The following MCTP1 variants were observed in gnomAD, a reference collection of about 807,000 sequenced individuals.
The protein encoded by MCTP1 is multiple C2 and transmembrane domain containing 1.
MCTP1 carries 69 observed loss-of-function variants against 120.6 expected under a neutral mutation model. The observed-to-expected ratio is 0.57, with a 90% CI of 0.47 to 0.70. The LOEUF is 0.70. MCTP1 is among the 30% of genes least tolerant of loss of function. MCTP1 has a pLI of 0.00. For synonymous variants in MCTP1, 529 were observed against 493.1 expected (o/e 1.07, Z -0.96); for missense variants, 1,203 against 1,248.8 (o/e 0.96, Z 0.55).
intron 1 of MCTP1, among the ~76,000 whole-genome samples, chr5:95,082,588 T>A (rs553766259): frequency 1.3e-5 from 2 of 152,278 alleles, no homozygotes; most frequent in South Asian, 4.1e-4. Context: ...TTAAAATATT[T>A]TAGTAGTCAC....
At chr5:94,774,010 C>T (rs1774711885) in intron 19 of MCTP1, among the ~76,000 whole-genome samples, 1 of 41,366 alleles carries the variant, frequency 2.4e-5, no homozygotes, top group Admixed American at 2.4e-4. Flanking sequence ...AGATCGAGAC[C>T]ATCCCGGCTA....
chr5:95,074,903 C>T (rs1055425608), intron 1 of MCTP1, among the ~76,000 whole-genome samples: 1 of 152,178 alleles, frequency 6.6e-6, no homozygotes, highest in African/African-American at 2.4e-5. Flanking sequence ...ATCCTGTTGA[C>T]TGATGTTGTA....
rs1417843520 is a variant in MCTP1 at position 94,931,957 on chromosome 5, C to T, written c.1208G>A (p.Ser403Asn). Reference sequence around the variant, plus strand: ...AGATCACAAGCTAAGAATTACCTTACTTGATCTTTTCCAACTCTTCCTCAT... The same window carrying T: ...AGATCACAAGCTAAGAATTACCTTATTTGATCTTTTCCAACTCTTCCTCAT... ...MLMRKSWKRS[S>N]KELSENEVVG... is the part of the protein sequence containing the mutation. Residue 403 changes from serine to asparagine, a missense_variant, in exon 6 of 23, where the codon AGT becomes AAT. Physicochemically the swap from Ser to Asn is conservative, Grantham distance 46. This residue lies in a region of MCTP1 where 740 missense variants were observed against 871.1 expected (regional missense o/e 0.85). Transcript: ENST00000515393. 24 of 1,602,726 alleles carry T rather than the reference C, an allele frequency of 1.5e-5. 1 individual carries two copies. In the Admixed American group the frequency reaches 1.5e-4, roughly 10 times the overall value.
intron 2 of MCTP1, among the ~76,000 whole-genome samples, chr5:94,985,744 T>C (rs1384275768): frequency 6.6e-6 from 1 of 152,056 alleles, no homozygotes; most frequent in African/African-American, 2.4e-5. Flanking sequence ...TCAAAACATA[T>C]AGAGACTAAG....
chr5:94,826,689 C>T (rs1787146608), intron 17 of MCTP1: 1 of 588,268 alleles, frequency 1.7e-6, no homozygotes, highest in South Asian at 1.9e-5. Context: ...CTTATACACA[C>T]TCCATGGTTC....
chr5:94,840,055 G>A (rs1204351793), intron 17 of MCTP1, among the ~76,000 whole-genome samples: 2 of 152,138 alleles, frequency 1.3e-5, no homozygotes, highest in Non-Finnish European at 2.9e-5. Flanking sequence ...AGTTGCATGT[G>A]ACACCACAGA....
Position 95,130,555 on chromosome 5 carries a change from G to C in MCTP1, c.721-113071C>G, listed in dbSNP as rs374793351. 2.8e-4 allele frequency among the ~76,000 whole-genome samples: 43 copies of C among 152,326 alleles called. No individual in the cohort carries two copies. The South Asian group carries it at 8.9e-3, about 32-fold the overall frequency. ...AAGGCTGCTGTAACAAAATGTCACA[G>C]TGTGGGTGGCTTAAACAGAGATGCA... On this transcript the variant is annotated intron_variant, in intron 1 of 22. Coordinates refer to ENST00000515393, the MANE Select transcript of MCTP1 (RefSeq NM_024717.7).
intron 8 of MCTP1, among the ~76,000 whole-genome samples, chr5:94,915,527 A>G (rs988336527): frequency 1.3e-5 from 2 of 152,212 alleles, no homozygotes; most frequent in Admixed American, 1.3e-4. Context: ...TGTGCTCTCT[A>G]GAAGCAGTCA....
chr5:95,016,804 T>C (rs1452125703), intron 2 of MCTP1, among the ~76,000 whole-genome samples: 1 of 152,076 alleles, frequency 6.6e-6, no homozygotes, highest in Non-Finnish European at 1.5e-5. Context: ...AGAGATTGCA[T>C]TGGGATTTGG....
chr5:95,233,826 T>C (rs749465789), intron 1 of MCTP1, among the ~76,000 whole-genome samples: 1 of 152,068 alleles, frequency 6.6e-6, no homozygotes, highest in Non-Finnish European at 1.5e-5. Context: ...CTATCACATT[T>C]GTAAATTTAA....
chr5:94,825,549 A>T (rs772403616), intron 17 of MCTP1, among the ~76,000 whole-genome samples: 1 of 152,110 alleles, frequency 6.6e-6, no homozygotes, highest in African/African-American at 2.4e-5. Context: ...GTGGGTGTCT[A>T]TTAGGTCCAC....
intron 1 of MCTP1, among the ~76,000 whole-genome samples, chr5:95,024,648 T>TACAC (rs111890273): frequency 0.17 from 25,066 of 146,106 alleles, 2,247 homozygotes; most frequent in Middle Eastern, 0.23. Context: ...GGCATTCAAA[T>TACAC]ACACACACAC....
At chr5:94,760,786 A>G (rs1264672424) in intron 19 of MCTP1, among the ~76,000 whole-genome samples, 1 of 152,076 alleles carries the variant, frequency 6.6e-6, no homozygotes, top group Non-Finnish European at 1.5e-5. Flanking sequence ...CCCAGGCTCA[A>G]GTGATCCTCC....
intron 1 of MCTP1, among the ~76,000 whole-genome samples, chr5:95,112,119 G>A (rs757300253): frequency 3.3e-5 from 5 of 152,154 alleles, no homozygotes; most frequent in Non-Finnish European, 7.4e-5. Flanking sequence ...CAGAAAAGAA[G>A]TTCATGTCTA....
rs187799189 is a variant in MCTP1 at position 94,977,445 on chromosome 5, T to C, written c.839-24084A>G. Among the ~76,000 whole-genome samples, 337 of 152,074 alleles carry C rather than the reference T, an allele frequency of 2.2e-3. 1 individual carries two copies. The highest frequency in any genetic ancestry group is 3.9e-3 in the South Asian group (19 of 4,822). On this transcript the variant is annotated intron_variant, in intron 2 of 22. Transcript: ENST00000515393. ...AAATCTCTATCAAATTCCAATGATA[T>C]TTTTTACAGAAATAGAAAAAAAAAA...
intron 1 of MCTP1, among the ~76,000 whole-genome samples, chr5:95,170,582 A>T (rs1288424833): frequency 6.6e-6 from 1 of 152,130 alleles, no homozygotes; most frequent in African/African-American, 2.4e-5. Context: ...TGCTTTATGA[A>T]TCTGGGTGCT....
intron 19 of MCTP1, among the ~76,000 whole-genome samples, chr5:94,751,528 C>T (rs948805919): frequency 6.6e-6 from 1 of 151,990 alleles, no homozygotes; most frequent in South Asian, 2.1e-4. Context: ...TTAATATGTG[C>T]GAGGGCTATA....
At chr5:94,933,037 T>A (rs1025843966) in intron 5 of MCTP1, among the ~76,000 whole-genome samples, 3 of 151,976 alleles carry the variant, frequency 2.0e-5, no homozygotes, top group Non-Finnish European at 4.4e-5. Flanking sequence ...AAACTAAGAC[T>A]AGCGTAACAT....
intron 17 of MCTP1, chr5:94,826,685 C>T (rs1379181990): frequency 6.4e-6 from 4 of 627,632 alleles, no homozygotes; most frequent in South Asian, 3.3e-5. Flanking sequence ...TTCTCTTATA[C>T]ACACTCCATG....
Sources: allele counts gnomAD v4.1 joint callset (sites outside exome capture counted in the v4.1 genomes callset), GRCh38; gene constraint gnomAD v4.1.1; regional missense constraint gnomAD v4.1.1; transcripts MANE v1.5; gene names NCBI Gene and HGNC (gene_info 2026-07-23, HGNC 2026-07-21).